Variants in PTPRD observed in about 807,000 individuals in gnomAD.
PTPRD encodes the protein protein tyrosine phosphatase receptor type D.
PTPRD carries 34 observed loss-of-function variants against 214.5 expected under a neutral mutation model. That is an observed-to-expected ratio of 0.16 (90% CI 0.12 to 0.21). PTPRD has a LOEUF of 0.21. Ranked by LOEUF, PTPRD falls within the 10% of genes least tolerant of loss-of-function variation. PTPRD has a pLI of 1.00. For synonymous variants in PTPRD, 1,128 were observed against 845.7 expected (o/e 1.33, Z -5.79); for missense variants, 2,545 against 2,398.7 (o/e 1.06, Z -1.27).
chr9:9,494,552 G>A (rs1456002484), intron 8 of PTPRD, among the ~76,000 whole-genome samples: 1 of 152,148 alleles, frequency 6.6e-6, no homozygotes, highest in Non-Finnish European at 1.5e-5. Context: ...ATAAAATTCA[G>A]TTGTACTTTT....
chr9:10,304,327 G>C (rs972419124), intron 3 of PTPRD, among the ~76,000 whole-genome samples: 1 of 152,148 alleles, frequency 6.6e-6, no homozygotes, highest in African/African-American at 2.4e-5. Context: ...GGAAAAACCA[G>C]AAGCATTTCC....
intron 9 of PTPRD, among the ~76,000 whole-genome samples, chr9:9,372,557 C>T (rs1363164034): frequency 6.6e-6 from 1 of 152,102 alleles, no homozygotes. Context: ...TGGGTCTTGA[C>T]TCTTTATCCC....
intron 14 of PTPRD, among the ~76,000 whole-genome samples, chr9:8,618,947 A>C: frequency 7.3e-6 from 1 of 136,950 alleles, no homozygotes; most frequent in South Asian, 2.3e-4. Flanking sequence ...TTTACCGGAA[A>C]CAGGGTTTCA....
chr9:8,861,055 A>AAAT (rs2098093271), intron 11 of PTPRD: 1 of 151,314 alleles, frequency 6.6e-6, no homozygotes, highest in Non-Finnish European at 1.5e-5. Flanking sequence ...ATTCTGTGAT[A>AAAT]AATAGCACAC....
chr9:8,777,347 T>C (rs113561106), intron 11 of PTPRD, among the ~76,000 whole-genome samples: 6 of 151,918 alleles, frequency 3.9e-5, no homozygotes, highest in African/African-American at 1.5e-4. Context: ...ATTTGTCTTT[T>C]ATATTTCCTT....
At chr9:9,270,376 G>A (rs1942327722) in intron 9 of PTPRD, among the ~76,000 whole-genome samples, 1 of 151,308 alleles carries the variant, frequency 6.6e-6, no homozygotes, top group South Asian at 2.1e-4. Flanking sequence ...CTCTGTAAAT[G>A]TGGCATTTAT....
intron 3 of PTPRD, among the ~76,000 whole-genome samples, chr9:10,105,114 C>G (rs577423567): frequency 6.6e-6 from 1 of 151,722 alleles, no homozygotes; most frequent in Non-Finnish European, 1.5e-5. Context: ...GCATTATTTA[C>G]CTTTGGAATG....
At chr9:10,006,792 T>A (rs1359883672) in intron 4 of PTPRD, among the ~76,000 whole-genome samples, 2 of 152,044 alleles carry the variant, frequency 1.3e-5, no homozygotes, top group South Asian at 2.1e-4. Flanking sequence ...CTTACTACAA[T>A]CTAGATATAT....
intron 39 of PTPRD, among the ~76,000 whole-genome samples, chr9:8,355,601 A>G (rs117406777): frequency 1.5e-3 from 233 of 152,344 alleles, no homozygotes; most frequent in Non-Finnish European, 2.4e-3. Flanking sequence ...AGACTGTGAC[A>G]CCAAAGAGCT....
chr9:8,472,422 T>C (rs1199683455), intron 30 of PTPRD, among the ~76,000 whole-genome samples: 3 of 152,182 alleles, frequency 2.0e-5, no homozygotes, highest in African/African-American at 7.2e-5. Flanking sequence ...GCAAGGCCTC[T>C]TTCTATTCAT....
intron 2 of PTPRD, among the ~76,000 whole-genome samples, chr9:10,510,341 G>A: frequency 6.6e-6 from 1 of 151,926 alleles, no homozygotes; most frequent in East Asian, 1.9e-4. Context: ...ACTTTTTATA[G>A]TACACAGCTT....
chr9:9,024,562 A>G (rs1326544094), intron 10 of PTPRD, among the ~76,000 whole-genome samples: 1 of 151,572 alleles, frequency 6.6e-6, no homozygotes, highest in Non-Finnish European at 1.5e-5. Context: ...GAGAGTTCCA[A>G]CTTCTCCACA....
chr9:9,314,300 C>T (rs1351528836), intron 9 of PTPRD, among the ~76,000 whole-genome samples: 1 of 152,058 alleles, frequency 6.6e-6, no homozygotes, highest in Non-Finnish European at 1.5e-5. Context: ...ATTCTGAGTT[C>T]ATTAGAATAC....
intron 3 of PTPRD, among the ~76,000 whole-genome samples, chr9:10,274,442 C>T (rs1007670111): frequency 6.6e-6 from 1 of 152,112 alleles, no homozygotes; most frequent in African/African-American, 2.4e-5. Context: ...TTCCTGCAAC[C>T]ATTAGTGCAT....
At chr9:8,644,400 T>C (rs1345126837) in intron 12 of PTPRD, among the ~76,000 whole-genome samples, 1 of 152,210 alleles carries the variant, frequency 6.6e-6, no homozygotes, top group Non-Finnish European at 1.5e-5. Flanking sequence ...TCCACTTGTC[T>C]GCATACCTCA....
chr9:8,783,835 A>G (rs1450834094), intron 11 of PTPRD, among the ~76,000 whole-genome samples: 1 of 152,058 alleles, frequency 6.6e-6, no homozygotes, highest in African/African-American at 2.4e-5. Context: ...AAGACATATT[A>G]CCCTCCAAAA....
chr9:8,324,233 G>C (rs911059293), intron 44 of PTPRD, among the ~76,000 whole-genome samples: 4 of 151,840 alleles, frequency 2.6e-5, no homozygotes, highest in African/African-American at 9.7e-5. Context: ...TATATCTCCT[G>C]ATGCTATCCC....
intron 2 of PTPRD, among the ~76,000 whole-genome samples, chr9:10,362,907 C>T (rs2097424402): frequency 6.6e-6 from 1 of 151,912 alleles, no homozygotes; most frequent in Admixed American, 6.6e-5. Context: ...AAATAAATAA[C>T]TTTGCCTAGT....
chr9:9,667,877 G>C (rs1445977626), intron 7 of PTPRD, among the ~76,000 whole-genome samples: 1 of 152,096 alleles, frequency 6.6e-6, no homozygotes, highest in African/African-American at 2.4e-5. Context: ...AAATGGTCTG[G>C]GGTGGAGAGC....
Sources: allele counts gnomAD v4.1 joint callset (sites outside exome capture counted in the v4.1 genomes callset), GRCh38; gene constraint gnomAD v4.1.1; transcripts MANE v1.5; gene names NCBI Gene and HGNC (gene_info 2026-07-23, HGNC 2026-07-21).